ABCC8: variants seen among roughly 807,000 people sequenced by gnomAD.
ABCC8 encodes ATP binding cassette subfamily C member 8.
Under a neutral mutation model 188.0 loss-of-function variants are expected in ABCC8, and 137 were observed. The observed-to-expected ratio is 0.73, with a 90% CI of 0.63 to 0.84. The LOEUF (loss-of-function observed/expected upper bound fraction) is 0.84. ABCC8 is among the 40% of genes least tolerant of loss of function. The pLI is 0.00. For missense variants in ABCC8, 1,750 were observed against 2,072.7 expected, an observed-to-expected ratio of 0.84 and a Z score of 3.02; for synonymous variants, 797 against 846.5, an observed-to-expected ratio of 0.94 and a Z score of 1.01.
At position 17,427,166 on chromosome 11, in the gene ABCC8, G is replaced by T. The variant is rs193922398; in HGVS notation, c.2117-12C>A. ...CATAGTCAGCTGGCCTGCAGGGAGG[G>T]AGGGTGGCAGATGTGAGTGGGGCCG... is the stretch of plus-strand genomic sequence containing the variant. On this transcript the variant is annotated splice_polypyrimidine_tract_variant and intron_variant, in intron 15 of 38. Transcript: ENST00000389817. This position sits in a 1 kb window ranked among gnomAD's most constrained non-coding sequence, Gnocchi z 5.0. The T allele has an allele frequency of 2.2e-5, 35 of 1,608,648 alleles. No homozygotes were observed. In the Admixed American group the frequency reaches 4.9e-4, roughly 22 times the overall value.
At chr11:17,438,222 A>C (rs1956181572) in intron 10 of ABCC8, among the ~76,000 whole-genome samples, 1 of 152,224 alleles carries the variant, frequency 6.6e-6, no homozygotes, top group Admixed American at 6.5e-5. Context: ...AGGAGGACAG[A>C]GGCTTCTCCC....
intron 11 of ABCC8, chr11:17,431,175 CCCTCCCTG>C: frequency 1.4e-6 from 1 of 710,258 alleles, no homozygotes; most frequent in Non-Finnish European, 2.3e-6. Flanking sequence ...AGGGGCTGCT[CCCTCCCTG>C]TCCTGGCCAA....
At chr11:17,413,942 G>A (rs1160046963) in intron 19 of ABCC8, among the ~76,000 whole-genome samples, 3 of 152,178 alleles carry the variant, frequency 2.0e-5, no homozygotes, top group African/African-American at 7.2e-5. Flanking sequence ...AGAGTATGTT[G>A]GTGACAAACA....
At chr11:17,407,288 C>G in intron 24 of ABCC8, 66 bp downstream of exon 24, 1 of 1,613,398 alleles carries the variant, frequency 6.2e-7, no homozygotes, top group Non-Finnish European at 8.5e-7. Flanking sequence ...GAACCCCAAA[C>G]CTTAGCCTCT....
intron 8 of ABCC8, among the ~76,000 whole-genome samples, chr11:17,444,021 A>AAG (rs112019394): frequency 1.1e-4 from 16 of 150,896 alleles, no homozygotes; most frequent in African/African-American, 2.2e-4. Flanking sequence ...CTTAGCTAAA[A>AAG]AGAGAGAGAG....
chr11:17,394,055 G>A (rs1490867653), intron 37 of ABCC8, among the ~76,000 whole-genome samples: 8 of 152,130 alleles, frequency 5.3e-5, no homozygotes, highest in Non-Finnish European at 8.8e-5. Context: ...GTGTGTGTTT[G>A]CATAGTGTTT....
chr11:17,396,931 G>C lies in ABCC8; in HGVS notation c.4104C>G (p.Ile1368Met). 6.2e-7 allele frequency: 1 copy of C among 1,614,172 alleles called. No homozygotes were observed. The highest frequency in any genetic ancestry group is 8.5e-7 in the Non-Finnish European group (1 of 1,180,018). Residue 1368 changes from isoleucine to methionine, a missense_variant, in exon 33 of 39, where the codon ATC becomes ATG. Ile to Met is a conservative substitution (Grantham distance 10, BLOSUM62 1). Transcript: ENST00000389817. ...KPVLKHVNAL[I>M]APGQKIGICG... is the part of the protein sequence containing the mutation. ...GTGCTCTGACCTTCTGTCCAGGGGC[G>C]ATGAGGGCATTGACGTGCTTCAGCA...
chr11:17,423,383 G>T (rs925962256), intron 16 of ABCC8, among the ~76,000 whole-genome samples: 2 of 88,794 alleles, frequency 2.3e-5, no homozygotes, highest in African/African-American at 7.4e-5. Context: ...AAAAAAAGCA[G>T]GGGCCACGTC....
intron 18 of ABCC8, among the ~76,000 whole-genome samples, chr11:17,414,905 C>G (rs1012672554): frequency 6.6e-6 from 1 of 152,080 alleles, no homozygotes; most frequent in Non-Finnish European, 1.5e-5. Flanking sequence ...AAAGTGTGAC[C>G]AAACCAAGGG....
intron 3 of ABCC8, among the ~76,000 whole-genome samples, chr11:17,469,019 G>T (rs1454933391): frequency 1.3e-5 from 2 of 151,544 alleles, no homozygotes; most frequent in East Asian, 3.9e-4. Context: ...CTCTCCCCAG[G>T]TGACCTCATC....
intron 18 of ABCC8, 123 bp downstream of exon 18, chr11:17,415,181 G>C: frequency 2.9e-6 from 4 of 1,398,428 alleles, no homozygotes; most frequent in Non-Finnish European, 3.9e-6. Context: ...GGCCCTCCCT[G>C]GCCTCCCCCA....
At chr11:17,475,359 A>G (rs1243942756) in intron 1 of ABCC8, among the ~76,000 whole-genome samples, 1 of 152,122 alleles carries the variant, frequency 6.6e-6, no homozygotes, top group Non-Finnish European at 1.5e-5. Flanking sequence ...CTGGGACTAC[A>G]GGCGCACATC....
intron 17 of ABCC8, 97 bp from the exon 18 acceptor site, chr11:17,415,436 C>T: frequency 6.4e-7 from 1 of 1,553,722 alleles, no homozygotes; most frequent in Admixed American, 2.0e-5. Context: ...ATGAGCATGC[C>T]TTTACAATCC....
chr11:17,433,026 G>A (rs1255916981), intron 10 of ABCC8, among the ~76,000 whole-genome samples: 1 of 152,182 alleles, frequency 6.6e-6, no homozygotes, highest in Non-Finnish European at 1.5e-5. Flanking sequence ...CAAGGTCAGA[G>A]GAGATAACAT....
At chr11:17,400,767 C>T (rs569469699) in intron 29 of ABCC8, among the ~76,000 whole-genome samples, 2 of 152,276 alleles carry the variant, frequency 1.3e-5, no homozygotes, top group African/African-American at 4.8e-5. Context: ...CTCTGGGTCT[C>T]GCTTCTGCAT....
chr11:17,401,012 A>C (rs1340688345), intron 29 of ABCC8, among the ~76,000 whole-genome samples: 4 of 152,186 alleles, frequency 2.6e-5, no homozygotes, highest in Non-Finnish European at 5.9e-5. Flanking sequence ...TAGGGTGTGG[A>C]AGACCTCACT....
chr11:17,429,042 A>G, intron 12 of ABCC8: 1 of 302,076 alleles, frequency 3.3e-6, no homozygotes, highest in African/African-American at 2.2e-5. Context: ...TTTTGTGAGC[A>G]TACACTAAAT....
chr11:17,461,761 AC>A lies in ABCC8; in HGVS notation c.643del (p.Val215TyrfsTer8), dbSNP rs1957201685. On this transcript the variant is annotated frameshift_variant, in exon 5 of 39. Coordinates refer to ENST00000389817, the MANE Select transcript of ABCC8 (RefSeq NM_000352.6). LOFTEE classifies it high-confidence loss of function. ...ATTCACGAAGGGCTGCAGGAAGCGT[AC>A]CCCCAGGTCTTGCAGGTCCTCGGGA... is the stretch of plus-strand genomic sequence containing the variant. ...KPPEDLQDLG[V>X]RFLQPFVNLL... The A allele has an allele frequency of 6.2e-7, 1 of 1,613,906 alleles. No individual in the cohort carries two copies.
chr11:17,413,831 A>G (rs1954934840), intron 19 of ABCC8, among the ~76,000 whole-genome samples: 1 of 152,152 alleles, frequency 6.6e-6, no homozygotes, highest in African/African-American at 2.4e-5. Context: ...TTAGGCAGTA[A>G]TGATGATGGC....
Sources: gnomAD v4.1 joint callset for allele counts (sites outside exome capture counted in the v4.1 genomes callset) on GRCh38, gnomAD v4.1.1 for gene constraint, Gnocchi (gnomAD v3.1) non-coding constraint, MANE v1.5 for transcripts, NCBI Gene and HGNC (gene_info 2026-07-23, HGNC 2026-07-21) for gene names.